Variants in SLC44A5 observed in about 807,000 individuals in gnomAD.
SLC44A5 encodes the protein solute carrier family 44 member 5, also known as choline transporter-like protein 5.
In SLC44A5, 57 loss-of-function variants were observed where a neutral mutation model predicts 101.8. That is an observed-to-expected ratio of 0.56 (90% CI 0.45 to 0.70). The LOEUF (loss-of-function observed/expected upper bound fraction) is 0.70, where lower values mean the gene tolerates loss of function less well. Among genes scored for constraint, SLC44A5 ranks in the 30% least tolerant of loss-of-function variants. The pLI, the probability that SLC44A5 is intolerant of heterozygous loss-of-function variation, is 0.00. For synonymous variants in SLC44A5, 281 were observed against 290.9 expected (o/e 0.97, Z 0.35); for missense variants, 737 against 853.1 (o/e 0.86, Z 1.70).
At chr1:75,234,707 T>C (rs796171173) in intron 11 of SLC44A5, among the ~76,000 whole-genome samples, 6 of 152,138 alleles carry the variant, frequency 3.9e-5, no homozygotes, top group African/African-American at 1.4e-4. Flanking sequence ...CTGTGGGCCA[T>C]TATTTGGAAT....
At chr1:75,696,005 T>C in the SLC44A5 span, among the ~76,000 whole-genome samples, 2 of 151,858 alleles carry the variant, frequency 1.3e-5, no homozygotes, top group Non-Finnish European at 2.9e-5. Context: ...CACACTTAAA[T>C]GTTACTCATA....
intron 23 of SLC44A5, among the ~76,000 whole-genome samples, chr1:75,208,345 G>A (rs1178473723): frequency 6.6e-6 from 1 of 152,140 alleles, no homozygotes; most frequent in Non-Finnish European, 1.5e-5. Context: ...TATTTGTAGA[G>A]ACAGGGTTTT....
the SLC44A5 span, among the ~76,000 whole-genome samples, chr1:75,705,520 C>G: frequency 6.6e-6 from 1 of 152,116 alleles, no homozygotes; most frequent in East Asian, 1.9e-4. Context: ...TGCTTTATTA[C>G]TATACTCACA....
At chr1:75,451,806 T>G (rs545710960) in intron 2 of SLC44A5, among the ~76,000 whole-genome samples, 14 of 152,038 alleles carry the variant, frequency 9.2e-5, no homozygotes, top group Admixed American at 2.6e-4. Flanking sequence ...AAAATTTTTT[T>G]AAAAAAAATT....
At chr1:75,704,410 G>C in the SLC44A5 span, among the ~76,000 whole-genome samples, 1 of 152,064 alleles carries the variant, frequency 6.6e-6, no homozygotes, top group African/African-American at 2.4e-5. Context: ...GACTGCTTGA[G>C]CCCAGGAGTT....
chr1:75,247,032 C>T (rs1276634598), intron 7 of SLC44A5, among the ~76,000 whole-genome samples: 1 of 151,984 alleles, frequency 6.6e-6, no homozygotes, highest in Non-Finnish European at 1.5e-5. Context: ...AAAGAAGAGA[C>T]ATAATCAGAC....
At chr1:75,677,709 C>G in the SLC44A5 span, 1 of 430,878 alleles carries the variant, frequency 2.3e-6, no homozygotes, top group East Asian at 8.1e-5. Context: ...AAAAACAAGA[C>G]CCAGTGCAAT....
At chr1:75,605,158 T>C (rs1675248671) in intron 1 of SLC44A5, among the ~76,000 whole-genome samples, 1 of 152,058 alleles carries the variant, frequency 6.6e-6, no homozygotes, top group Admixed American at 6.6e-5. Flanking sequence ...TCCAGAGAAC[T>C]AGCAAATTTA....
chr1:75,392,859 G>C (rs1226824998), intron 3 of SLC44A5, among the ~76,000 whole-genome samples: 1 of 152,176 alleles, frequency 6.6e-6, no homozygotes, highest in Non-Finnish European at 1.5e-5. Flanking sequence ...AAGCAACATG[G>C]ATGTAGGTGG....
intron 2 of SLC44A5, among the ~76,000 whole-genome samples, chr1:75,429,633 C>G (rs1664499338): frequency 6.6e-6 from 1 of 152,210 alleles, no homozygotes; most frequent in African/African-American, 2.4e-5. Context: ...GTGCCAGCAT[C>G]TGCTTCTGGT....
At chr1:75,628,016 G>A in the SLC44A5 span, among the ~76,000 whole-genome samples, 2 of 150,978 alleles carry the variant, frequency 1.3e-5, no homozygotes, top group Non-Finnish European at 1.5e-5. Context: ...AGTACGTGGC[G>A]AAATAAATGA....
At chr1:75,359,206 T>G (rs560983869) in intron 3 of SLC44A5, among the ~76,000 whole-genome samples, 2 of 151,564 alleles carry the variant, frequency 1.3e-5, no homozygotes, top group East Asian at 3.9e-4. Flanking sequence ...AGTATGCTAT[T>G]ATGTATATAT....
At chr1:75,238,428 A>C in intron 10 of SLC44A5, 85 bp downstream of exon 10, 2 of 692,512 alleles carry the variant, frequency 2.9e-6, no homozygotes, top group Non-Finnish European at 4.2e-6. Context: ...TTATTTTCCT[A>C]TAACCCTTAA....
chr1:75,723,236 C>T, the SLC44A5 span, among the ~76,000 whole-genome samples: 10 of 152,116 alleles, frequency 6.6e-5, no homozygotes, highest in Non-Finnish European at 7.4e-5. Flanking sequence ...TACTAGCGAG[C>T]GGCAACCTTT....
chr1:75,376,242 C>T (rs1408309266), intron 3 of SLC44A5, among the ~76,000 whole-genome samples: 15 of 152,292 alleles, frequency 9.8e-5, no homozygotes, highest in East Asian at 1.9e-4. Context: ...AACTGCAAGG[C>T]GGCAGCGAGG....
chr1:75,555,749 T>C (rs943752388), intron 1 of SLC44A5, among the ~76,000 whole-genome samples: 3 of 152,086 alleles, frequency 2.0e-5, no homozygotes, highest in Non-Finnish European at 4.4e-5. Flanking sequence ...TGGGAAATGT[T>C]CCACTAGACT....
chr1:75,690,892 C>A, the SLC44A5 span, among the ~76,000 whole-genome samples: 1 of 151,982 alleles, frequency 6.6e-6, no homozygotes, highest in African/African-American at 2.4e-5. Context: ...CTTTGGGAGG[C>A]TGCAGCAGGC....
At chr1:75,441,734 A>G (rs915865342) in intron 2 of SLC44A5, among the ~76,000 whole-genome samples, 14 of 151,894 alleles carry the variant, frequency 9.2e-5, no homozygotes, top group Non-Finnish European at 1.9e-4. Context: ...CATTTTTTAA[A>G]TGTTAAAAAA....
intron 2 of SLC44A5, among the ~76,000 whole-genome samples, chr1:75,530,312 A>G (rs534183534): frequency 1.3e-5 from 2 of 152,310 alleles, no homozygotes; most frequent in Non-Finnish European, 2.9e-5. Context: ...CCAAAAATAA[A>G]AACAAAGTGA....
Sources: allele counts gnomAD v4.1 joint callset (sites outside exome capture counted in the v4.1 genomes callset), GRCh38; gene constraint gnomAD v4.1.1; transcripts MANE v1.5; gene names NCBI Gene and HGNC (gene_info 2026-07-23, HGNC 2026-07-21).